DDX60L: variants seen among roughly 807,000 people sequenced by gnomAD.
DDX60L encodes the protein DExD/H-box 60 like.
A neutral mutation model predicts 211.6 loss-of-function variants in DDX60L; 191 were observed. That is an observed-to-expected ratio of 0.90 (90% CI 0.80 to 1.02). The LOEUF (loss-of-function observed/expected upper bound fraction) is 1.02, where lower values mean the gene tolerates loss of function less well. DDX60L is among the 50% of genes least tolerant of loss of function. The pLI, the probability that DDX60L is intolerant of heterozygous loss-of-function variation, is 0.00. For synonymous variants in DDX60L, 706 were observed against 694.1 expected, an observed-to-expected ratio of 1.02 and a Z score of -0.27; for missense variants, 2,007 against 1,984.1, an observed-to-expected ratio of 1.01 and a Z score of -0.22.
At position 168,421,838 on chromosome 4, in the gene DDX60L, G is replaced by A. The variant is rs756920491; in HGVS notation, c.2316C>T (p.Thr772=). 13 of 1,614,074 alleles carry A rather than the reference G, an allele frequency of 8.1e-6. No homozygotes were observed. In the East Asian group the frequency reaches 2.7e-4, roughly 33 times the overall value. The change falls in exon 17 of 38, where the codon ACC becomes ACT. Residue 772 remains threonine (T), a synonymous_variant. Coordinates refer to ENST00000682922, the MANE Select transcript of DDX60L (RefSeq NM_001012967.3). ...TCTCCATGCAGTAGTAGGAAGCATA[G>A]GTTTTGCCTGAGGACGTTGGGGCAA... ...VIVAPTSSGK[T]YASYYCMEKV...
intron 36 of DDX60L, among the ~76,000 whole-genome samples, chr4:168,363,121 A>T (rs1739381123): frequency 6.6e-6 from 1 of 152,182 alleles, no homozygotes; most frequent in African/African-American, 2.4e-5. Context: ...TCCCAGCAGA[A>T]ACCTCACAGG....
At position 168,458,014 on chromosome 4, in the gene DDX60L, A is replaced by C. The variant is rs755446305; in HGVS notation, c.607-6T>G. 6.9e-7 allele frequency: 1 copy of C among 1,453,618 alleles called. No homozygotes were observed. The highest frequency in any genetic ancestry group is 9.3e-7 in the Non-Finnish European group (1 of 1,070,526). The allele number at this position is 1,453,618 out of a possible 1,614,324, so 90.0% of individuals were successfully genotyped here. A position where few individuals can be genotyped will look rare whatever the true frequency, so the allele number is the denominator to read the frequency against. On this transcript the variant is annotated splice_polypyrimidine_tract_variant and splice_region_variant and intron_variant, in intron 5 of 37. Transcript: ENST00000682922. ...CTCTGAATCACTGTTTCATTCTGTA[A>C]AAGGGAGAAAACCATATAAAATATC...
intron 1 of DDX60L, among the ~76,000 whole-genome samples, chr4:168,473,914 G>A (rs369908019): frequency 2.8e-4 from 42 of 152,280 alleles, no homozygotes; most frequent in African/African-American, 9.6e-4. Context: ...TTGGTAAGTA[G>A]AAAAGTATTT....
chr4:168,363,939 A>C (rs1739519786), intron 36 of DDX60L, among the ~76,000 whole-genome samples: 1 of 152,118 alleles, frequency 6.6e-6, no homozygotes, highest in Admixed American at 6.5e-5. Flanking sequence ...ACAGAGTAAA[A>C]CCCTGTCTGT....
Position 168,379,519 on chromosome 4 carries a change from C to A in DDX60L, c.4222-15G>T. ...TTTAAATAGTCCTAAAAATGAGAAA[C>A]AAAAAGTTGATTTAACTTGTCATGT... On this transcript the variant is annotated splice_polypyrimidine_tract_variant and intron_variant, in intron 31 of 37. Transcript: ENST00000682922. The A allele has an allele frequency of 6.5e-7, 1 of 1,529,606 alleles. No homozygotes were observed. Among genetic ancestry groups the A allele is most frequent in the Admixed American group, 2.3e-5 (1 of 42,836 alleles). The allele number at this position is 1,529,606 out of a possible 1,614,324, so 94.8% of individuals were successfully genotyped here. A position where few individuals can be genotyped will look rare whatever the true frequency, so the allele number is the denominator to read the frequency against.
At chr4:168,452,643 G>A (rs1012811468) in intron 8 of DDX60L, among the ~76,000 whole-genome samples, 7 of 151,886 alleles carry the variant, frequency 4.6e-5, no homozygotes, top group African/African-American at 1.7e-4. Flanking sequence ...TATATCGTAT[G>A]ATTGCAACCA....
Position 168,391,584 on chromosome 4 carries a change from AAAC to A in DDX60L, c.3868_3870del (p.Val1290del). 6.2e-7 allele frequency: 1 copy of A among 1,610,216 alleles called. No individual in the cohort carries two copies. ...TCCAGATAGACTGAGTCTTGGGCAA[AAAC>A]AACAGATTTGCATGGCATGTGGATC... On this transcript the variant is annotated inframe_deletion, in exon 29 of 38. Coordinates refer to ENST00000682922, the MANE Select transcript of DDX60L (RefSeq NM_001012967.3).
At position 168,371,734 on chromosome 4, in the gene DDX60L, G is replaced by A. The variant is rs1248911373; in HGVS notation, c.4806C>T (p.Gly1602=). Residue 1602 remains glycine, a synonymous_variant, in exon 36 of 38, where the codon GGC becomes GGT. Transcript: ENST00000682922. ...ATGGCCACAGCAGAGGAGCCTGAGT[G>A]CCACTAACACCGACTGTGCGCAGGA... is the stretch of plus-strand genomic sequence containing the variant. ...QVILRTVGVS[G]TQAPLLWPWK... The A allele has an allele frequency of 1.2e-6, 2 of 1,609,994 alleles. No homozygotes were observed. The highest frequency in any genetic ancestry group is 2.7e-5 in the African/African-American group (2 of 74,854).
In DDX60L at chr4:168,379,506, T is replaced by C; in HGVS notation, c.4222-2A>G. The C allele has an allele frequency of 6.4e-7, 1 of 1,553,264 alleles. No homozygotes were observed. The highest frequency in any genetic ancestry group is 2.3e-5 in the East Asian group (1 of 44,084). ...ATTACCCTTTTTATTTAAATAGTCC[T>C]AAAAATGAGAAACAAAAAGTTGATT... On this transcript the variant is annotated splice_acceptor_variant, in intron 31 of 37. Transcript: ENST00000682922. LOFTEE classifies it high-confidence loss of function.
chr4:168,399,940 G>A (rs1472199629), intron 26 of DDX60L, among the ~76,000 whole-genome samples: 3 of 152,154 alleles, frequency 2.0e-5, no homozygotes, highest in African/African-American at 7.2e-5. Context: ...TTGTTGTACA[G>A]ATTATTTCAT....
At chr4:168,420,452 A>T (rs1750323578) in intron 17 of DDX60L, 72 bp from the exon 18 acceptor site, 2 of 1,078,864 alleles carry the variant, frequency 1.9e-6, no homozygotes, top group Admixed American at 5.5e-5. Flanking sequence ...GGACAACCGA[A>T]TCCATACACA....
chr4:168,452,732 A>C (rs1406709661), intron 8 of DDX60L, among the ~76,000 whole-genome samples: 1 of 152,198 alleles, frequency 6.6e-6, no homozygotes, highest in East Asian at 1.9e-4. Flanking sequence ...TAATTTGAAC[A>C]GTGGGTTAGG....
intron 34 of DDX60L, among the ~76,000 whole-genome samples, chr4:168,375,125 CTT>C (rs149573941): frequency 0.015 from 2,236 of 152,144 alleles, 24 homozygotes; most frequent in Middle Eastern, 0.071. Flanking sequence ...TCATGAATGA[CTT>C]TTATTTTTTT....
intron 32 of DDX60L, 35 bp from the exon 33 acceptor site, chr4:168,378,510 TA>T (rs1338985784): frequency 1.4e-6 from 2 of 1,455,528 alleles, no homozygotes; most frequent in Admixed American, 5.2e-5. Context: ...TAAATAAGAA[TA>T]ATGTTGATTC....
intron 28 of DDX60L, among the ~76,000 whole-genome samples, chr4:168,393,219 G>A (rs1157914924): frequency 1.3e-5 from 2 of 151,952 alleles, no homozygotes; most frequent in Non-Finnish European, 2.9e-5. Context: ...AAAATGGCTG[G>A]GCATGGTGGC....
intron 30 of DDX60L, among the ~76,000 whole-genome samples, chr4:168,382,271 T>A (rs1426169913): frequency 1.3e-5 from 2 of 152,204 alleles, no homozygotes; most frequent in Non-Finnish European, 2.9e-5. Context: ...ACTGCATCCA[T>A]TCTTTAAAAA....
chr4:168,415,266 A>ATTTAATAAATTTAAAAAAT, intron 22 of DDX60L, 142 bp downstream of exon 22: 1 of 460,394 alleles, frequency 2.2e-6, no homozygotes, highest in Non-Finnish European at 3.8e-6. Flanking sequence ...AATTTAAAAA[A>ATTTAATAAATTTAAAAAAT]TCAATGAATA....
chr4:168,453,963 A>G (rs190697894), intron 7 of DDX60L, among the ~76,000 whole-genome samples: 5 of 152,256 alleles, frequency 3.3e-5, no homozygotes, highest in Admixed American at 3.3e-4. Flanking sequence ...AGGAGATTCA[A>G]ATGAGACAGT....
At chr4:168,383,303 G>A (rs751457473) in intron 30 of DDX60L, among the ~76,000 whole-genome samples, 5 of 152,192 alleles carry the variant, frequency 3.3e-5, no homozygotes, top group Non-Finnish European at 5.9e-5. Flanking sequence ...TACTGTTGAC[G>A]TGAAAAATAC....
Sources: gnomAD v4.1 joint callset for allele counts (sites outside exome capture counted in the v4.1 genomes callset) on GRCh38, gnomAD v4.1.1 for gene constraint, MANE v1.5 for transcripts, NCBI Gene and HGNC (gene_info 2026-07-23, HGNC 2026-07-21) for gene names.